The following CDYL variants were observed in gnomAD, a reference collection of about 807,000 sequenced individuals.
CDYL encodes the protein chromodomain Y like.
In CDYL, 8 loss-of-function variants were observed where a neutral mutation model predicts 47.3. The observed-to-expected ratio is 0.17, with a 90% CI of 0.10 to 0.31. The LOEUF (loss-of-function observed/expected upper bound fraction) is 0.31, where lower values mean the gene tolerates loss of function less well. CDYL is among the 10% of genes least tolerant of loss of function. The pLI, the probability that CDYL is intolerant of heterozygous loss-of-function variation, is 1.00. For missense variants in CDYL, 471 were observed against 701.4 expected (o/e 0.67, Z 3.71); for synonymous variants, 266 against 265.0 (o/e 1.00, Z -0.04).
intron 1 of CDYL, among the ~76,000 whole-genome samples, chr6:4,832,291 G>T (rs1221367262): frequency 6.6e-6 from 1 of 152,112 alleles, no homozygotes; most frequent in African/African-American, 2.4e-5. Context: ...ATGAAGCATT[G>T]TTGAGTTTTG....
chr6:4,912,070 T>C (rs748583530), intron 2 of CDYL, among the ~76,000 whole-genome samples: 7 of 152,212 alleles, frequency 4.6e-5, no homozygotes, highest in Non-Finnish European at 7.3e-5. Context: ...TTTTCTAAAA[T>C]TGACATCCAT....
chr6:4,810,032 G>A (rs538312922), intron 1 of CDYL, among the ~76,000 whole-genome samples: 15 of 152,138 alleles, frequency 9.9e-5, no homozygotes, highest in African/African-American at 2.7e-4. Flanking sequence ...GTGATATTTT[G>A]TATGGTAGGG....
chr6:4,777,032 G>C (rs1458777617), intron 1 of CDYL, among the ~76,000 whole-genome samples: 2 of 149,598 alleles, frequency 1.3e-5, no homozygotes, highest in African/African-American at 4.9e-5. Flanking sequence ...GTGGGGGGGG[G>C]GGTCCCAGCC....
chr6:4,799,474 A>C (rs1026021643), intron 1 of CDYL, among the ~76,000 whole-genome samples: 4 of 151,830 alleles, frequency 2.6e-5, no homozygotes, highest in African/African-American at 4.8e-5. Flanking sequence ...TTTTTAGGCA[A>C]GGTCTCACTC....
rs186262836 is a variant in CDYL, at chr6:4,934,342, A to T, written c.692-1173A>T. Among the ~76,000 whole-genome samples the T allele has an allele frequency of 2.9e-3, 439 of 151,820 alleles. 2 individuals are homozygous for T. Among genetic ancestry groups the T allele is most frequent in the African/African-American group, 7.3e-3 (301 of 41,400 alleles). ...CTTTAAATTTTTCAAAAATATAATT[A>T]AAAAAAAACCTCTAGCAATTAAAAT... On this transcript the variant is annotated intron_variant, in intron 2 of 6. Transcript: ENST00000397588.
intron 2 of CDYL, among the ~76,000 whole-genome samples, chr6:4,923,554 G>A (rs138909758): frequency 2.6e-5 from 4 of 152,188 alleles, no homozygotes; most frequent in South Asian, 2.1e-4. Flanking sequence ...CCTCTTTGAC[G>A]TGCTGATTTC....
intron 1 of CDYL, among the ~76,000 whole-genome samples, chr6:4,853,860 C>T (rs1174527125): frequency 2.0e-5 from 3 of 152,266 alleles, no homozygotes; most frequent in Non-Finnish European, 4.4e-5. Flanking sequence ...TGGCAGGCAC[C>T]TCTTAGCTGG....
chr6:4,928,066 T>G (rs1322363683), intron 2 of CDYL, among the ~76,000 whole-genome samples: 1 of 152,050 alleles, frequency 6.6e-6, no homozygotes, highest in Non-Finnish European at 1.5e-5. Context: ...TCGTGTAGAT[T>G]TGTAATATAC....
In CDYL at chr6:4,883,633, G is replaced by A. The variant is rs140305946; in HGVS notation, c.25-8080G>A. Among the ~76,000 whole-genome samples the A allele has an allele frequency of 2.5e-4, 38 of 152,314 alleles. No homozygotes were observed. In the East Asian group the frequency reaches 5.2e-3, roughly 21 times the overall value. On this transcript the variant is annotated intron_variant, in intron 1 of 6. Transcript: ENST00000397588. Reference sequence around the variant, plus strand: ...CTTCCAAAAACAAGGGCAAGACTCAGTGATTGAACTGAGCTGTAGACCTTT... The same window carrying A: ...CTTCCAAAAACAAGGGCAAGACTCAATGATTGAACTGAGCTGTAGACCTTT...
At chr6:4,759,887 A>C (rs1758144761) in intron 3 of CDYL, among the ~76,000 whole-genome samples, 1 of 58,310 alleles carries the variant, frequency 1.7e-5, no homozygotes, top group African/African-American at 1.1e-4. Flanking sequence ...CTCAAAAAAA[A>C]AAAAAAAAAA....
intron 3 of CDYL, among the ~76,000 whole-genome samples, chr6:4,748,678 C>CACACACAA (rs1400877044): frequency 3.3e-5 from 5 of 151,618 alleles, no homozygotes; most frequent in African/African-American, 4.8e-5. Context: ...CACACACACA[C>CACACACAA]ACAAACAAAT....
intron 5 of CDYL, among the ~76,000 whole-genome samples, chr6:4,944,589 C>G (rs1234552553): frequency 6.6e-6 from 1 of 152,198 alleles, no homozygotes; most frequent in Non-Finnish European, 1.5e-5. Context: ...CACAGTTCAC[C>G]CCAGGGCCAT....
Position 4,819,162 on chromosome 6 carries a change from C to CTCTCTCTCTG in CDYL, c.24+42356_24+42357insCTCTCTCTGT, listed in dbSNP as rs1016051589. On this transcript the variant is annotated intron_variant, in intron 1 of 6. Coordinates refer to ENST00000397588, the MANE Select transcript of CDYL (RefSeq NM_004824.4). ...TCTCTCTCTCTCTCTCTCTCTCTCT[C>CTCTCTCTCTG]TGTGTGTGTGTGTGTGTGTGTAGCT... 2.1e-3 allele frequency among the ~76,000 whole-genome samples: 231 copies of CTCTCTCTCTG among 111,926 alleles called. 1 individual carries two copies. The highest frequency in any genetic ancestry group is 4.9e-3 in the African/African-American group (102 of 20,736). The allele number at this position is 111,926 out of a possible 152,430, so 73.4% of individuals were successfully genotyped here.
rs142012817 is a variant in CDYL, at chr6:4,793,000, G to C, written c.24+16193G>C. Reference sequence around the variant, plus strand: ...ATCCATGTGTAGGGCAGTTTCTTCTGTTCAATTGGTATTTGTCTTTCCTGA... The same window carrying C: ...ATCCATGTGTAGGGCAGTTTCTTCTCTTCAATTGGTATTTGTCTTTCCTGA... On this transcript the variant is annotated intron_variant, in intron 1 of 6. Coordinates refer to ENST00000397588, the MANE Select transcript of CDYL (RefSeq NM_004824.4). Among the ~76,000 whole-genome samples the C allele has an allele frequency of 4.1e-3, 630 of 152,218 alleles. 1 individual carries two copies. The highest frequency in any genetic ancestry group is 0.014 in the African/African-American group (589 of 41,526).
intron 3 of CDYL, among the ~76,000 whole-genome samples, chr6:4,740,432 C>T (rs1206140020): frequency 6.6e-6 from 1 of 152,164 alleles, no homozygotes; most frequent in Non-Finnish European, 1.5e-5. Context: ...CAGGGAACTG[C>T]TGAACATCCT....
chr6:4,720,841 A>G (rs931491609), intron 2 of CDYL, among the ~76,000 whole-genome samples: 8 of 152,332 alleles, frequency 5.3e-5, no homozygotes, highest in African/African-American at 1.9e-4. Flanking sequence ...AACCCAATTA[A>G]ATTTCCTTCT....
intron 3 of CDYL, among the ~76,000 whole-genome samples, chr6:4,751,463 ATAC>A (rs1757989565): frequency 6.6e-6 from 1 of 152,252 alleles, no homozygotes; most frequent in Non-Finnish European, 1.5e-5. Flanking sequence ...GCATTTAAGT[ATAC>A]CTTTCCTACT....
chr6:4,813,040 A>G (rs1264910481), intron 1 of CDYL, among the ~76,000 whole-genome samples: 3 of 152,198 alleles, frequency 2.0e-5, no homozygotes, highest in African/African-American at 7.2e-5. Flanking sequence ...AAAATCACTA[A>G]GTTTTCATAT....
chr6:4,763,892 G>A (rs771158205), intron 3 of CDYL, among the ~76,000 whole-genome samples: 4 of 152,090 alleles, frequency 2.6e-5, no homozygotes, highest in Non-Finnish European at 4.4e-5. Flanking sequence ...GCAGTGAGCC[G>A]AGATCATGCC....
Sources: allele counts gnomAD v4.1 joint callset (sites outside exome capture counted in the v4.1 genomes callset), GRCh38; gene constraint gnomAD v4.1.1; transcripts MANE v1.5; gene names NCBI Gene and HGNC (gene_info 2026-07-23, HGNC 2026-07-21).